Variants in BLZF1 observed in about 807,000 individuals in gnomAD.
BLZF1 encodes basic leucine zipper nuclear factor 1.
BLZF1 carries 39 observed loss-of-function variants against 43.8 expected under a neutral mutation model. That is an observed-to-expected ratio of 0.89 (90% confidence interval 0.69 to 1.16). The LOEUF is 1.16. Among genes scored for constraint, BLZF1 ranks in the 50% most tolerant of loss-of-function variants. The pLI, the probability that BLZF1 is intolerant of heterozygous loss-of-function variation, is 0.00. For synonymous variants in BLZF1, 136 were observed against 159.4 expected (o/e 0.85, Z 1.11); for missense variants, 449 against 469.8 (o/e 0.96, Z 0.41).
downstream of BLZF1, among the ~76,000 whole-genome samples, chr1:169,390,850 G>A (rs370123616): frequency 6.6e-6 from 1 of 152,268 alleles, no homozygotes; most frequent in East Asian, 1.9e-4. Context: ...AAAAGACAAG[G>A]TCCTAAGAAA....
At chr1:169,369,282 A>AG (rs71738873) in intron 1 of BLZF1, among the ~76,000 whole-genome samples, 191 bp from the exon 2 acceptor site, 1 of 150,232 alleles carries the variant, frequency 6.7e-6, no homozygotes, top group Non-Finnish European at 1.5e-5. Context: ...ACCACCCCTA[A>AG]TTTTTTTTTT....
At chr1:169,370,723 C>T (rs370347509) in intron 2 of BLZF1, among the ~76,000 whole-genome samples, 43 of 152,270 alleles carry the variant, frequency 2.8e-4, no homozygotes, top group African/African-American at 9.9e-4. Flanking sequence ...TCTTCTCCTT[C>T]TTATTTATCT....
downstream of BLZF1, among the ~76,000 whole-genome samples, chr1:169,388,965 T>C (rs1263011320): frequency 6.6e-6 from 1 of 151,596 alleles, no homozygotes; most frequent in African/African-American, 2.4e-5. Context: ...CTACTAAAAA[T>C]ACAAAAAATT....
intron 6 of BLZF1, among the ~76,000 whole-genome samples, chr1:169,384,814 G>A (rs914403970): frequency 3.3e-5 from 5 of 151,972 alleles, no homozygotes; most frequent in African/African-American, 7.3e-5. Flanking sequence ...GCTCTTTACT[G>A]TATTAAATTA....
intron 7 of BLZF1, chr1:169,394,931 A>G: frequency 1.1e-6 from 1 of 951,508 alleles, no homozygotes; most frequent in Non-Finnish European, 1.5e-6. Context: ...ATTCACTGTC[A>G]ATAAAAGATA....
chr1:169,392,217 G>A (rs1389047579), downstream of BLZF1, among the ~76,000 whole-genome samples: 1 of 152,104 alleles, frequency 6.6e-6, no homozygotes, highest in Non-Finnish European at 1.5e-5. Context: ...AATTCCAACA[G>A]CCTTTTTGAA....
At chr1:169,386,725 A>G (rs929360897) in intron 6 of BLZF1, among the ~76,000 whole-genome samples, 4 of 151,386 alleles carry the variant, frequency 2.6e-5, no homozygotes, top group African/African-American at 9.7e-5. Flanking sequence ...ATTTTCTTCT[A>G]TGTTTTCCTG....
At chr1:169,369,017 AT>A (rs1654006870) in intron 1 of BLZF1, among the ~76,000 whole-genome samples, 1 of 152,212 alleles carries the variant, frequency 6.6e-6, no homozygotes, top group Admixed American at 6.5e-5. Flanking sequence ...AGTATAAATT[AT>A]GTTATCTTGA....
chr1:169,376,448 C>A, intron 2 of BLZF1, 92 bp from the exon 3 acceptor site: 3 of 1,030,154 alleles, frequency 2.9e-6, no homozygotes, highest in Non-Finnish European at 4.0e-6. Flanking sequence ...TTTTTAGTGC[C>A]AGTAATTTTG....
intron 6 of BLZF1, 147 bp from the exon 7 acceptor site, chr1:169,386,850 C>A: frequency 1.8e-6 from 1 of 555,042 alleles, no homozygotes; most frequent in Non-Finnish European, 3.1e-6. Context: ...AGTAAGTTGT[C>A]TTTTCAATCA....
intron 2 of BLZF1, among the ~76,000 whole-genome samples, chr1:169,373,350 G>A (rs763238379): frequency 2.0e-5 from 3 of 152,152 alleles, no homozygotes; most frequent in East Asian, 1.9e-4. Flanking sequence ...TGACTTAAGC[G>A]TTACTCATAA....
chr1:169,387,285 CTAT>C lies in BLZF1; in HGVS notation c.*105_*107del. 1 of 1,030,278 alleles carries C rather than the reference CTAT, an allele frequency of 9.7e-7. No homozygotes were observed. The highest frequency in any genetic ancestry group is 1.4e-6 in the Non-Finnish European group (1 of 702,396). The allele number at this position is 1,030,278 out of a possible 1,614,324, so 63.8% of individuals were successfully genotyped here. On this transcript the variant is annotated 3_prime_UTR_variant, in exon 7 of 7. Transcript: ENST00000367808. ...ACAATGCTAGAAATAATATCACTTCCTATTTACATAATGTATACACCCAAAGAT... is the reference window on the plus strand; with the variant it reads ...ACAATGCTAGAAATAATATCACTTCCTTACATAATGTATACACCCAAAGAT...
chr1:169,377,752 C>A (rs1258832850), intron 3 of BLZF1, among the ~76,000 whole-genome samples: 1 of 151,868 alleles, frequency 6.6e-6, no homozygotes, highest in African/African-American at 2.4e-5. Context: ...AATGTTCTGC[C>A]ATGTCACAGA....
intron 2 of BLZF1, among the ~76,000 whole-genome samples, chr1:169,370,221 G>A (rs768217854): frequency 4.2e-4 from 64 of 152,258 alleles, no homozygotes; most frequent in Non-Finnish European, 8.8e-4. Context: ...TTGAAAAAAG[G>A]AACCCAGTCT....
chr1:169,377,052 A>G (rs1654381925), intron 3 of BLZF1, 73 bp downstream of exon 3: 1 of 1,236,922 alleles, frequency 8.1e-7, no homozygotes, highest in South Asian at 1.4e-5. Flanking sequence ...CATGTTAGAA[A>G]ACTACATTTC....
rs540465115 is a variant in BLZF1, at chr1:169,387,643, A to T, written c.*461A>T. ...GCACTACAACTGCAGAGTTGAATAGATGCAGCAGATCCTTTACAGAAAAAG... is the reference window on the plus strand; with the variant it reads ...GCACTACAACTGCAGAGTTGAATAGTTGCAGCAGATCCTTTACAGAAAAAG... On this transcript the variant is annotated 3_prime_UTR_variant, in exon 7 of 7. Transcript: ENST00000367808. 6.5e-6 allele frequency: 1 copy of T among 152,728 alleles called. No individual in the cohort carries two copies. The highest frequency in any genetic ancestry group is 1.9e-4 in the East Asian group (1 of 5,202). The allele number at this position is 152,728 out of a possible 1,614,324, so 9.5% of individuals were successfully genotyped here.
intron 2 of BLZF1, among the ~76,000 whole-genome samples, chr1:169,374,399 T>A (rs1378976498): frequency 6.6e-6 from 1 of 152,078 alleles, no homozygotes; most frequent in African/African-American, 2.4e-5. Flanking sequence ...TTAACTAATT[T>A]ACCAAACCCA....
downstream of BLZF1, among the ~76,000 whole-genome samples, chr1:169,389,674 T>A (rs1392765185): frequency 6.6e-6 from 1 of 152,226 alleles, no homozygotes; most frequent in Non-Finnish European, 1.5e-5. Flanking sequence ...GCTGCATTAT[T>A]CACAATAGCC....
At chr1:169,388,629 T>C (rs1654738235), downstream of BLZF1, among the ~76,000 whole-genome samples, 1 of 152,104 alleles carries the variant, frequency 6.6e-6, no homozygotes, top group African/African-American at 2.4e-5. Flanking sequence ...CTGATAACTG[T>C]CTAGTGTCCA....
Sources: gnomAD v4.1 joint callset for allele counts (sites outside exome capture counted in the v4.1 genomes callset) on GRCh38, gnomAD v4.1.1 for gene constraint, MANE v1.5 for transcripts, NCBI Gene and HGNC (gene_info 2026-07-23, HGNC 2026-07-21) for gene names.